The following WDPCP variants were observed in gnomAD, a reference collection of about 807,000 sequenced individuals.
WDPCP encodes WD repeat containing planar cell polarity effector.
In WDPCP, 71 loss-of-function variants were observed where a neutral mutation model predicts 93.1. The ratio of observed to expected loss-of-function variants is 0.76; its 90% CI spans 0.63 to 0.93. WDPCP has a LOEUF of 0.93. Among genes scored for constraint, WDPCP ranks in the 40% least tolerant of loss-of-function variants. The pLI is 0.00. For missense variants in WDPCP, 844 were observed against 887.4 expected, an observed-to-expected ratio of 0.95 and a Z score of 0.62; for synonymous variants, 315 against 315.0, an observed-to-expected ratio of 1.00 and a Z score of 0.00.
At chr2:63,601,503 T>C (rs983324235) in intron 3 of WDPCP, among the ~76,000 whole-genome samples, 2 of 152,222 alleles carry the variant, frequency 1.3e-5, no homozygotes, top group African/African-American at 4.8e-5. Context: ...TCAAAAACTT[T>C]TAACAGACCT....
chr2:63,204,521 T>C (rs1312946053), intron 14 of WDPCP, among the ~76,000 whole-genome samples: 3 of 151,858 alleles, frequency 2.0e-5, no homozygotes, highest in Non-Finnish European at 1.5e-5. Flanking sequence ...TTTGTATTTT[T>C]AGTTGAGTCG....
In WDPCP at chr2:63,536,773, C is replaced by CTTTTTTTTTT. The variant is rs58661370; in HGVS notation, c.76-43843_76-43834dup. 2.0e-3 allele frequency among the ~76,000 whole-genome samples: 190 copies of CTTTTTTTTTT among 93,592 alleles called. 17 individuals are homozygous for CTTTTTTTTTT. Among genetic ancestry groups the CTTTTTTTTTT allele is most frequent in the African/African-American group, 5.3e-3 (118 of 22,136 alleles). 61.4% of individuals were successfully genotyped at this position (93,592 alleles called of 152,430 possible). Reference sequence around the variant, plus strand: ...TGGTAAAAATCTCAGATTCTTCATGCTTTTTTTTTTTTTTTTGATGGAATC... The same window carrying CTTTTTTTTTT: ...TGGTAAAAATCTCAGATTCTTCATGCTTTTTTTTTTTTTTTTTTTTTTTTTTGATGGAATC... On this transcript the variant is annotated intron_variant, in intron 1 of 17. Coordinates refer to ENST00000272321, the MANE Select transcript of WDPCP (RefSeq NM_015910.7).
intron 7 of WDPCP, chr2:63,438,055 G>A: frequency 8.2e-7 from 1 of 1,219,444 alleles, no homozygotes; most frequent in South Asian, 3.5e-5. Context: ...ATGAAATAAA[G>A]CATATTATGA....
intron 2 of WDPCP, among the ~76,000 whole-genome samples, chr2:63,732,966 A>C (rs938177684): frequency 6.6e-6 from 1 of 152,198 alleles, no homozygotes; most frequent in Non-Finnish European, 1.5e-5. Context: ...ACTGGGCAAA[A>C]TGTATTAGAA....
intron 10 of WDPCP, among the ~76,000 whole-genome samples, chr2:63,383,254 TA>T (rs1175566144): frequency 6.6e-6 from 1 of 152,080 alleles, no homozygotes; most frequent in Non-Finnish European, 1.5e-5. Context: ...CAAGACATTT[TA>T]AAAGTACTGA....
chr2:63,517,119 T>C (rs1201880361), intron 1 of WDPCP, among the ~76,000 whole-genome samples: 1 of 152,218 alleles, frequency 6.6e-6, no homozygotes, highest in Non-Finnish European at 1.5e-5. Flanking sequence ...ATTACCACTG[T>C]AGTTTATGCC....
intron 15 of WDPCP, among the ~76,000 whole-genome samples, chr2:63,160,448 C>T (rs1672566035): frequency 6.6e-6 from 1 of 152,064 alleles, no homozygotes. Flanking sequence ...TACTGATTTA[C>T]AAATTTGACT....
chr2:63,813,703 A>G (rs1440679271), exon 2 of WDPCP: 1 of 152,206 alleles, frequency 6.6e-6, no homozygotes, highest in Non-Finnish European at 1.5e-5. Flanking sequence ...AGATGTCTCA[A>G]AAACCTAGAA....
At chr2:63,130,946 C>A (rs577126527) in intron 17 of WDPCP, among the ~76,000 whole-genome samples, 1 of 151,726 alleles carries the variant, frequency 6.6e-6, no homozygotes, top group African/African-American at 2.4e-5. Flanking sequence ...ATGTATTATC[C>A]TTCCTAGTCT....
chr2:63,259,142 A>G (rs1272698143), intron 14 of WDPCP, among the ~76,000 whole-genome samples, 165 bp downstream of exon 14: 2 of 152,220 alleles, frequency 1.3e-5, no homozygotes, highest in Non-Finnish European at 2.9e-5. Flanking sequence ...CAACTTGTGT[A>G]TCAACATTGT....
intron 3 of WDPCP, among the ~76,000 whole-genome samples, chr2:63,607,719 A>T (rs1027427345): frequency 4.7e-5 from 7 of 149,800 alleles, no homozygotes; most frequent in Non-Finnish European, 1.0e-4. Flanking sequence ...AGTCCCAGCT[A>T]CTCGGGAGGC....
exon 3 of WDPCP, chr2:63,650,745 G>A (rs1247668750): frequency 2.6e-5 from 4 of 152,166 alleles, no homozygotes; most frequent in African/African-American, 9.7e-5. Context: ...CTGACCAGCT[G>A]GCATGGACTT....
At chr2:63,416,504 C>CCCTCATAATGATATGAT (rs375812264) in intron 9 of WDPCP, among the ~76,000 whole-genome samples, 1 of 149,320 alleles carries the variant, frequency 6.7e-6, no homozygotes, top group Non-Finnish European at 1.5e-5. Context: ...TTGGATATGA[C>CCCTCATAATGATATGAT]ATTAGCATTA....
At chr2:63,389,397 A>C (rs1693023826) in intron 10 of WDPCP, among the ~76,000 whole-genome samples, 1 of 152,212 alleles carries the variant, frequency 6.6e-6, no homozygotes, top group African/African-American at 2.4e-5. Context: ...CTCCTAAAGG[A>C]AGCACTAAAC....
chr2:63,501,205 T>C (rs1383061445), intron 1 of WDPCP, among the ~76,000 whole-genome samples: 1 of 152,196 alleles, frequency 6.6e-6, no homozygotes, highest in East Asian at 1.9e-4. Context: ...CAAAGCATTA[T>C]GTTCAAAATA....
intron 2 of WDPCP, among the ~76,000 whole-genome samples, chr2:63,715,996 C>A (rs765642634): frequency 6.6e-6 from 1 of 152,222 alleles, no homozygotes; most frequent in Non-Finnish European, 1.5e-5. Context: ...ATGTGCTTAA[C>A]TGCAGAGGGG....
chr2:63,356,744 A>G lies in WDPCP; in HGVS notation c.1748+21642T>C, dbSNP rs1237876788. ...AAAATAATAAGAACAAAGATACAGC[A>G]TAACAGAATCTCTGGGACATAGCTA... On this transcript the variant is annotated intron_variant, in intron 12 of 17. Transcript: ENST00000272321. Among the ~76,000 whole-genome samples, 3 of 152,234 alleles carry G rather than the reference A, an allele frequency of 2.0e-5. No homozygotes were observed. In the East Asian group the frequency reaches 5.8e-4, roughly 29 times the overall value.
At chr2:63,472,599 A>AT (rs1174286823) in intron 6 of WDPCP, among the ~76,000 whole-genome samples, 1 of 150,950 alleles carries the variant, frequency 6.6e-6, no homozygotes, top group Admixed American at 6.6e-5. Flanking sequence ...TTTATTTTTT[A>AT]TTTTTTTGAT....
At chr2:63,206,481 C>T (rs890081431) in intron 14 of WDPCP, among the ~76,000 whole-genome samples, 7 of 152,026 alleles carry the variant, frequency 4.6e-5, no homozygotes, top group African/African-American at 9.7e-5. Flanking sequence ...CTTTGAGACA[C>T]AGTCTCACTC....
Sources: gnomAD v4.1 joint callset for allele counts (sites outside exome capture counted in the v4.1 genomes callset) on GRCh38, gnomAD v4.1.1 for gene constraint, MANE v1.5 for transcripts, NCBI Gene and HGNC (gene_info 2026-07-23, HGNC 2026-07-21) for gene names.